The following MSANTD2 variants were observed in gnomAD, a reference collection of about 807,000 sequenced individuals.
The protein encoded by MSANTD2 is myb/SANT-like DNA-binding domain-containing protein 2.
MSANTD2 carries 19 observed loss-of-function variants against 52.6 expected under a neutral mutation model. That is an observed-to-expected ratio of 0.36 (90% confidence interval 0.25 to 0.53). The LOEUF (loss-of-function observed/expected upper bound fraction) is 0.53, where lower values mean the gene tolerates loss of function less well. Among genes scored for constraint, MSANTD2 ranks in the 20% least tolerant of loss-of-function variants. The probability of loss-of-function intolerance (pLI) is 0.91; values close to 1 mark genes in which losing one functional copy is unlikely to be tolerated. For missense variants in MSANTD2, 558 were observed against 716.3 expected (o/e 0.78, Z 2.52); for synonymous variants, 291 against 289.7 (o/e 1.00, Z -0.04).
intron 1 of MSANTD2, chr11:124,784,403 A>G: frequency 2.0e-6 from 2 of 985,364 alleles, no homozygotes; most frequent in South Asian, 9.4e-5. Context: ...GCAGGGGAGA[A>G]CCAGTCTTCG....
rs1260812014 is a variant in MSANTD2 at position 124,800,049 on chromosome 11, G to A, written c.332C>T (p.Ala111Val). Residue 111 changes from alanine to valine, a missense_variant, in exon 1 of 4, where the codon GCG becomes GTG. Physicochemically the swap from Ala to Val is moderately conservative, Grantham distance 64. Coordinates refer to ENST00000374979, the MANE Select transcript of MSANTD2 (RefSeq NM_001308027.2). The surrounding 1 kb of genome is among the most constrained non-coding windows in gnomAD (Gnocchi z 4.3). The stretch of plus-strand genomic sequence containing the variant: ...CTCGTTGCCCCACACTGCGATGAGC[G>A]CGTTCGTCTCGGCTGGCGTCCACGA... ...GMSWTPAETN[A>V]LIAVWGNERL... The A allele has an allele frequency of 6.4e-7, 1 of 1,565,518 alleles. No individual in the cohort carries two copies. Among genetic ancestry groups the A allele is most frequent in the Non-Finnish European group, 8.6e-7 (1 of 1,165,838 alleles).
In MSANTD2 at chr11:124,767,999, T is replaced by C. The variant is rs746880614; in HGVS notation, c.857A>G (p.Gln286Arg). 1.9e-6 allele frequency: 3 copies of C among 1,609,650 alleles called. No homozygotes were observed. The highest frequency in any genetic ancestry group is 1.7e-4 in the Middle Eastern group (1 of 6,038). ...QKRDIMQNIV[Q>R]ILESVQLKWE... ...TTTCAACTGTACCGATTCCAAAATCTGTACAATATTCTGCATGATGTCTCT... is the reference window on the plus strand; with the variant it reads ...TTTCAACTGTACCGATTCCAAAATCCGTACAATATTCTGCATGATGTCTCT... Residue 286 changes from glutamine (Q) to arginine (R), a missense_variant, in exon 4 of 4, where the codon CAG becomes CGG. Physicochemically the swap from Gln to Arg is conservative, Grantham distance 43 (BLOSUM62 1). This residue lies in a region of MSANTD2 where 408 missense variants were observed against 573.6 expected (regional missense o/e 0.71). Coordinates refer to ENST00000374979, the MANE Select transcript of MSANTD2 (RefSeq NM_001308027.2). The surrounding 1 kb of genome is among the most constrained non-coding windows in gnomAD (Gnocchi z 6.5).
intron 1 of MSANTD2, among the ~76,000 whole-genome samples, chr11:124,777,074 G>A (rs1364891062): frequency 6.6e-6 from 1 of 152,080 alleles, no homozygotes; most frequent in African/African-American, 2.4e-5. Flanking sequence ...CTTTCCCAGC[G>A]CCCTCTGCCC....
intron 1 of MSANTD2, among the ~76,000 whole-genome samples, chr11:124,785,748 ATATATT>A (rs1322682141): frequency 6.6e-6 from 1 of 151,758 alleles, no homozygotes; most frequent in Non-Finnish European, 1.5e-5. Context: ...CATGTTATAT[ATATATT>A]AAGATATATG....
intron 1 of MSANTD2, among the ~76,000 whole-genome samples, chr11:124,795,280 C>T (rs552820859): frequency 6.6e-6 from 1 of 152,300 alleles, no homozygotes; most frequent in East Asian, 1.9e-4. Flanking sequence ...CATCTTGAGG[C>T]ACAGCTAGAA....
intron 1 of MSANTD2, among the ~76,000 whole-genome samples, chr11:124,782,013 G>T (rs1944992358): frequency 6.6e-6 from 1 of 152,108 alleles, no homozygotes; most frequent in Non-Finnish European, 1.5e-5. Context: ...TAACTTCCCT[G>T]CAGCATTTGA....
At chr11:124,775,091 AC>A (rs1307567112) in intron 1 of MSANTD2, 117 bp from the exon 2 acceptor site, 3 of 846,786 alleles carry the variant, frequency 3.5e-6, no homozygotes, top group Middle Eastern at 2.3e-4. Flanking sequence ...ACACATTGTT[AC>A]AGGAATGCTA....
intron 1 of MSANTD2, chr11:124,776,173 G>A (rs895543976): frequency 6.6e-6 from 1 of 152,176 alleles, no homozygotes; most frequent in Non-Finnish European, 1.5e-5. Flanking sequence ...TAATTTGTAG[G>A]CACTGCCAGA....
At chr11:124,797,560 G>A (rs1392135825) in intron 1 of MSANTD2, among the ~76,000 whole-genome samples, 1 of 152,208 alleles carries the variant, frequency 6.6e-6, no homozygotes, top group African/African-American at 2.4e-5. Context: ...TAGTACAGCA[G>A]TGAGTAAGAG....
chr11:124,770,797 T>TTTTA (rs1491343059), intron 3 of MSANTD2, among the ~76,000 whole-genome samples: 1 of 148,810 alleles, frequency 6.7e-6, no homozygotes, highest in African/African-American at 2.5e-5. Context: ...TTTTTTTTTT[T>TTTTA]GAGACAGAGT....
At chr11:124,788,439 T>C (rs889097127) in intron 1 of MSANTD2, among the ~76,000 whole-genome samples, 2 of 152,234 alleles carry the variant, frequency 1.3e-5, no homozygotes. Context: ...GTTTCATGAA[T>C]ATATGGTTAT....
chr11:124,783,758 C>T, intron 1 of MSANTD2: 1 of 985,236 alleles, frequency 1.0e-6, no homozygotes, highest in South Asian at 4.7e-5. Context: ...GGGTCGTGCC[C>T]ATTCAGATTA....
At chr11:124,789,560 G>A (rs1223704723) in intron 1 of MSANTD2, 2 of 151,870 alleles carry the variant, frequency 1.3e-5, no homozygotes, top group African/African-American at 2.4e-5. Context: ...AATAAACACA[G>A]GTTTCTATTT....
In MSANTD2 at chr11:124,771,264, C is replaced by T. The variant is rs189272612; in HGVS notation, c.827+1730G>A. On this transcript the variant is annotated intron_variant, in intron 3 of 3. Coordinates refer to ENST00000374979, the MANE Select transcript of MSANTD2 (RefSeq NM_001308027.2). ...CAACTACTTCCCAATAAGAAATGGC[C>T]TTAAACTTACTGATGTGGGCGATTA... 3.9e-5 allele frequency among the ~76,000 whole-genome samples: 6 copies of T among 152,300 alleles called. No homozygotes were observed. In the East Asian group the frequency reaches 1.2e-3, roughly 29 times the overall value.
chr11:124,800,215 C>T lies in MSANTD2; in HGVS notation c.166G>A (p.Ala56Thr), dbSNP rs1442634011. The T allele has an allele frequency of 1.3e-6, 2 of 1,494,158 alleles. No individual in the cohort carries two copies. Among genetic ancestry groups the T allele is most frequent in the South Asian group, 2.6e-5 (2 of 78,372 alleles). 92.6% of individuals were successfully genotyped at this position (1,494,158 alleles called of 1,614,324 possible). The change falls in exon 1 of 4, where the codon GCG becomes ACG. Residue 56 changes from alanine to threonine, a missense_variant. Ala to Thr is a moderately conservative substitution (Grantham distance 58, BLOSUM62 0). This residue lies in a region of MSANTD2 where 150 missense variants were observed against 142.7 expected (regional missense o/e 1.05). Coordinates refer to ENST00000374979, the MANE Select transcript of MSANTD2 (RefSeq NM_001308027.2). This position sits in a 1 kb window ranked among gnomAD's most constrained non-coding sequence, Gnocchi z 4.3. ...CCGGACGCCGCTGCCCCCGAGCCCG[C>T]CGCACTGCCCGGCCCGAGCGGGGAG... ...GASPLGPGSA[A>T]GSGAAASGGL...
rs1945635831 is a variant in MSANTD2 at position 124,799,937 on chromosome 11, G to A, written c.444C>T (p.Arg148=). The A allele has an allele frequency of 6.3e-7, 1 of 1,585,938 alleles. No homozygotes were observed. Among genetic ancestry groups the A allele is most frequent in the East Asian group, 2.3e-5 (1 of 43,804 alleles). Residue 148 remains arginine, a synonymous_variant, in exon 1 of 4, where the codon CGC becomes CGT. Coordinates refer to ENST00000374979, the MANE Select transcript of MSANTD2 (RefSeq NM_001308027.2). ...SKAPGPAMYE[R]VSRALAELGY... is the part of the protein sequence containing the mutation. ...CCAGCTCGGCCAGGGCCCGGGACACGCGCTCGTACATGGCTGGCCCGGGGG... is the reference window on the plus strand; with the variant it reads ...CCAGCTCGGCCAGGGCCCGGGACACACGCTCGTACATGGCTGGCCCGGGGG...
At chr11:124,778,547 C>G (rs1049438924) in intron 1 of MSANTD2, among the ~76,000 whole-genome samples, 1 of 152,116 alleles carries the variant, frequency 6.6e-6, no homozygotes, top group Admixed American at 6.5e-5. Context: ...TCAGGAAAAC[C>G]TGGACTGAAG....
At chr11:124,789,982 T>C (rs1041975470) in intron 1 of MSANTD2, 2 of 152,228 alleles carry the variant, frequency 1.3e-5, no homozygotes, top group Non-Finnish European at 1.5e-5. Context: ...TAAAGAGTTC[T>C]TTAGAGTACT....
At chr11:124,799,826 T>C in intron 1 of MSANTD2, 45 bp downstream of exon 1, 1 of 1,465,348 alleles carries the variant, frequency 6.8e-7, no homozygotes, top group South Asian at 1.2e-5. Context: ...TTCCCCGCCT[T>C]CTCTCTGCCT....
Sources: allele counts gnomAD v4.1 joint callset (sites outside exome capture counted in the v4.1 genomes callset), GRCh38; gene constraint gnomAD v4.1.1; regional missense constraint gnomAD v4.1.1; non-coding constraint Gnocchi (gnomAD v3.1); transcripts MANE v1.5; gene names NCBI Gene and HGNC (gene_info 2026-07-23, HGNC 2026-07-21).